The following MYO1G variants were observed in gnomAD, a reference collection of about 807,000 sequenced individuals.
MYO1G encodes the protein unconventional myosin-Ig.
MYO1G carries 65 observed loss-of-function variants against 115.3 expected under a neutral mutation model. The ratio of observed to expected loss-of-function variants is 0.56; its 90% CI spans 0.46 to 0.69. The LOEUF is 0.69. Ranked by LOEUF, MYO1G falls within the 30% of genes least tolerant of loss-of-function variation. The pLI is 0.00. For synonymous variants in MYO1G, 510 were observed against 552.6 expected (o/e 0.92, Z 1.08); for missense variants, 1,204 against 1,393.5 (o/e 0.86, Z 2.16).
chr7:44,979,012 C>G lies in MYO1G; in HGVS notation c.-51G>C. The G allele has an allele frequency of 6.3e-7, 1 of 1,579,808 alleles. No homozygotes were observed. The highest frequency in any genetic ancestry group is 8.7e-7 in the Non-Finnish European group (1 of 1,149,200). ...CACCTTCCTGTGCCTGCTGGAAGGA[C>G]AGTGAAGGAGAGGGGGAGGGAAGGC... is the stretch of plus-strand genomic sequence containing the variant. On this transcript the variant is annotated 5_prime_UTR_variant, in exon 1 of 22. Coordinates refer to ENST00000258787, the MANE Select transcript of MYO1G (RefSeq NM_033054.3).
rs74936877 is a variant in MYO1G, at chr7:44,978,680, T to C, written c.95+187A>G. On this transcript the variant is annotated intron_variant, in intron 1 of 21. Coordinates refer to ENST00000258787, the MANE Select transcript of MYO1G (RefSeq NM_033054.3). Reference sequence around the variant, plus strand: ...CCTGACAGGGACAGTTGCCTCCTTGTCTGTTCCTGTCCCCTGGGGCCGTGC... The same window carrying C: ...CCTGACAGGGACAGTTGCCTCCTTGCCTGTTCCTGTCCCCTGGGGCCGTGC... 2.6e-3 allele frequency among the ~76,000 whole-genome samples: 393 copies of C among 152,306 alleles called. 2 individuals carry two copies. Among genetic ancestry groups the C allele is most frequent in the African/African-American group, 9.0e-3 (374 of 41,572 alleles).
Position 44,970,868 on chromosome 7 carries a change from A to T in MYO1G, c.1038T>A (p.Ala346=), listed in dbSNP as rs371287004. 19 of 1,613,506 alleles carry T rather than the reference A, an allele frequency of 1.2e-5. No homozygotes were observed. Among genetic ancestry groups the T allele is most frequent in the African/African-American group, 5.3e-5 (4 of 74,922 alleles). The change falls in exon 8 of 22, where the codon GCT becomes GCA. Residue 346 remains alanine (A), a synonymous_variant. Transcript: ENST00000258787. The part of the protein sequence containing the change: ...RELIEKGHTA[A]EASYARDACA... ...AGGCATCCCGGGCATAGCTGGCCTCAGCTGCAGTGTGGCCCTTCTCTATGA... is the reference window on the plus strand; with the variant it reads ...AGGCATCCCGGGCATAGCTGGCCTCTGCTGCAGTGTGGCCCTTCTCTATGA...
In MYO1G at chr7:44,963,237, G is replaced by T; in HGVS notation, c.2746-113C>A. On this transcript the variant is annotated intron_variant, in intron 20 of 21. Coordinates refer to ENST00000258787, the MANE Select transcript of MYO1G (RefSeq NM_033054.3). The surrounding 1 kb of genome is among the most constrained non-coding windows in gnomAD (Gnocchi z 4.1). ...GAACCCCCAACCGCACCCGGGGAGC[G>T]CCGCCCTCGCCAGGGCCACCAGCCC... 7.8e-7 allele frequency: 1 copy of T among 1,278,844 alleles called. No homozygotes were observed. The highest frequency in any genetic ancestry group is 1.0e-6 in the Non-Finnish European group (1 of 983,792). The allele number at this position is 1,278,844 out of a possible 1,614,324, so 79.2% of individuals were successfully genotyped here.
Position 44,964,038 on chromosome 7 carries a change from A to T in MYO1G, c.2745+11T>A. ...AGATGCTGCACCCTACTCCCCACCC[A>T]CATTGCTCACCGCCTCAAGGGGCAC... On this transcript the variant is annotated intron_variant, in intron 20 of 21. Transcript: ENST00000258787. This position sits in a 1 kb window ranked among gnomAD's most constrained non-coding sequence, Gnocchi z 5.1. The T allele has an allele frequency of 6.4e-7, 1 of 1,567,804 alleles. No individual in the cohort carries two copies. Among genetic ancestry groups the T allele is most frequent in the South Asian group, 1.2e-5 (1 of 85,540 alleles).
In MYO1G at chr7:44,963,237, G is replaced by A. The variant is rs1230468675; in HGVS notation, c.2746-113C>T. On this transcript the variant is annotated intron_variant, in intron 20 of 21. Transcript: ENST00000258787. This position sits in a 1 kb window ranked among gnomAD's most constrained non-coding sequence, Gnocchi z 4.1. ...GAACCCCCAACCGCACCCGGGGAGC[G>A]CCGCCCTCGCCAGGGCCACCAGCCC... 17 of 1,278,726 alleles carry A rather than the reference G, an allele frequency of 1.3e-5. 1 individual carries two copies. Among genetic ancestry groups the A allele is most frequent in the Non-Finnish European group, 1.5e-5 (15 of 983,802 alleles). The allele number at this position is 1,278,726 out of a possible 1,614,324, so 79.2% of individuals were successfully genotyped here.
Position 44,976,882 on chromosome 7 carries a change from G to C in MYO1G, c.285C>G (p.Asp95Glu), listed in dbSNP as rs755842091. The C allele has an allele frequency of 6.2e-7, 1 of 1,613,322 alleles. No homozygotes were observed. Among genetic ancestry groups the C allele is most frequent in the Non-Finnish European group, 8.5e-7 (1 of 1,180,024 alleles). ...AYKAMKHRSR[D>E]TCIVISGESG... ...AGGTACCTGAGATGACGATGCAGGT[G>C]TCCCTGGACCGGTGCTTCATTGCCT... The change falls in exon 2 of 22, where the codon GAC (aspartate) becomes GAG (glutamate). Residue 95 changes from aspartate to glutamate, a missense_variant. Physicochemically the swap from Asp to Glu is conservative, Grantham distance 45. Transcript: ENST00000258787.
At chr7:44,974,695 T>C (rs551408272) in intron 5 of MYO1G, 50 of 180,496 alleles carry the variant, frequency 2.8e-4, no homozygotes, top group African/African-American at 1.1e-3. Flanking sequence ...GCAGAGACAC[T>C]GTTTGTTTCC....
intron 3 of MYO1G, 141 bp from the exon 4 acceptor site, chr7:44,975,790 T>G (rs1486983402): frequency 1.1e-6 from 1 of 948,530 alleles, no homozygotes; most frequent in African/African-American, 1.7e-5. Flanking sequence ...ACCAATGGCC[T>G]GGCCTCGCCC....
chr7:44,969,469 G>A lies in MYO1G; in HGVS notation c.1518C>T (p.Asp506=), dbSNP rs1179440594. Residue 506 remains aspartate, a synonymous_variant, in exon 12 of 22, where the codon GAC becomes GAT. Transcript: ENST00000258787. The surrounding 1 kb of genome is among the most constrained non-coding windows in gnomAD (Gnocchi z 5.0). ...HYTSRQLCPT[D]KTMEFGRDFR... The stretch of plus-strand genomic sequence containing the variant: ...AGTCTCGGCCAAACTCCATGGTCTT[G>A]TCTGTGGGGCAGAGCTATGGGGACA... 3 of 1,613,836 alleles carry A rather than the reference G, an allele frequency of 1.9e-6. No homozygotes were observed. The highest frequency in any genetic ancestry group is 2.5e-6 in the Non-Finnish European group (3 of 1,180,018).
chr7:44,976,718 G>A, intron 2 of MYO1G, 61 bp from the exon 3 acceptor site: 1 of 1,604,138 alleles, frequency 6.2e-7, no homozygotes, highest in Non-Finnish European at 8.5e-7. Flanking sequence ...CCAGCTCCCT[G>A]TGCCCACTCA....
rs1353993162 is a variant in MYO1G, at chr7:44,969,823, C to T, written c.1385G>A (p.Arg462His). ...TIVDLVERPHRGILAVLDEAC... is the reference protein window; with the variant it reads ...TIVDLVERPHHGILAVLDEAC... The stretch of plus-strand genomic sequence containing the variant: ...CTCGTCCAGCACGGCCAGGATGCCA[C>T]GGTGGGGCCGCTCCACCAGATCCAC... The change falls in exon 11 of 22, where the codon CGT (arginine) becomes CAT (histidine). Residue 462 changes from arginine to histidine, a missense_variant. By Grantham distance (29) the Arg-to-His change is conservative (BLOSUM62 0). Coordinates refer to ENST00000258787, the MANE Select transcript of MYO1G (RefSeq NM_033054.3). This position sits in a 1 kb window ranked among gnomAD's most constrained non-coding sequence, Gnocchi z 5.0. 1.2e-6 allele frequency: 2 copies of T among 1,613,030 alleles called. No individual in the cohort carries two copies. The highest frequency in any genetic ancestry group is 1.7e-5 in the Admixed American group (1 of 59,962).
rs1460325862 is a variant in MYO1G, at chr7:44,963,316, G to C, written c.2746-192C>G. 2.2e-5 allele frequency: 13 copies of C among 594,296 alleles called. No individual in the cohort carries two copies. The highest frequency in any genetic ancestry group is 4.5e-4 in the Middle Eastern group (1 of 2,216). The allele number at this position is 594,296 out of a possible 1,614,324, so 36.8% of individuals were successfully genotyped here. ...CCTGCTGACAGGGGGAAGCTTGGGCGGGACGCTGCACAATACGATTTTCTC... is the reference window on the plus strand; with the variant it reads ...CCTGCTGACAGGGGGAAGCTTGGGCCGGACGCTGCACAATACGATTTTCTC... On this transcript the variant is annotated intron_variant, in intron 20 of 21. Coordinates refer to ENST00000258787, the MANE Select transcript of MYO1G (RefSeq NM_033054.3). This position sits in a 1 kb window ranked among gnomAD's most constrained non-coding sequence, Gnocchi z 4.1.
rs533052374 is a variant in MYO1G, at chr7:44,975,083, G to T, written c.618+91C>A. 33 of 1,321,604 alleles carry T rather than the reference G, an allele frequency of 2.5e-5. No individual in the cohort carries two copies. In the African/African-American group the frequency reaches 4.1e-4, roughly 16 times the overall value. 81.9% of individuals were successfully genotyped at this position (1,321,604 alleles called of 1,614,324 possible). A position where few individuals can be genotyped will look rare whatever the true frequency, so the allele number is the denominator to read the frequency against. On this transcript the variant is annotated intron_variant, in intron 5 of 21. Transcript: ENST00000258787. ...TGAGTGGGCAGAGAGGGGGAATTGGGGTAGTGATGGAAGGGTCACAAGCTG... is the reference window on the plus strand; with the variant it reads ...TGAGTGGGCAGAGAGGGGGAATTGGTGTAGTGATGGAAGGGTCACAAGCTG...
intron 5 of MYO1G, 130 bp downstream of exon 5, chr7:44,975,044 G>A (rs1795022767): frequency 3.3e-6 from 3 of 921,014 alleles, no homozygotes; most frequent in African/African-American, 1.6e-5. Context: ...TGAGGACGAT[G>A]GGCTAGGTGG....
Position 44,967,875 on chromosome 7 carries a change from C to G in MYO1G, c.1649+9G>C, listed in dbSNP as rs776554166. ...GCCCTCCCTATGGTGCCCAGCAAGC[C>G]GTGCTCACCTGTTGTACAGCAGCCG... On this transcript the variant is annotated intron_variant, in intron 13 of 21. Coordinates refer to ENST00000258787, the MANE Select transcript of MYO1G (RefSeq NM_033054.3). The G allele has an allele frequency of 6.2e-7, 1 of 1,613,778 alleles. No homozygotes were observed. Among genetic ancestry groups the G allele is most frequent in the African/African-American group, 1.3e-5 (1 of 74,948 alleles).
At chr7:44,971,174 C>T in intron 7 of MYO1G, 115 bp from the exon 8 acceptor site, 1 of 875,942 alleles carries the variant, frequency 1.1e-6, no homozygotes, top group Non-Finnish European at 1.7e-6. Context: ...GAGTACAGCT[C>T]CTTCTCAGAC....
Position 44,963,289 on chromosome 7 carries a change from G to A in MYO1G, c.2746-165C>T. On this transcript the variant is annotated intron_variant, in intron 20 of 21. Coordinates refer to ENST00000258787, the MANE Select transcript of MYO1G (RefSeq NM_033054.3). The surrounding 1 kb of genome is among the most constrained non-coding windows in gnomAD (Gnocchi z 4.1). ...CCACCGCCCCCTCCTCCCTCTCGGG[G>A]CCCTGCTGACAGGGGGAAGCTTGGG... The A allele has an allele frequency of 1.4e-6, 1 of 739,952 alleles. No homozygotes were observed. The highest frequency in any genetic ancestry group is 2.0e-6 in the Non-Finnish European group (1 of 489,956). The allele number at this position is 739,952 out of a possible 1,614,324, so 45.8% of individuals were successfully genotyped here. A position where few individuals can be genotyped will look rare whatever the true frequency, so the allele number is the denominator to read the frequency against.
chr7:44,966,816 A>G lies in MYO1G; in HGVS notation c.1805T>C (p.Ile602Thr). The G allele has an allele frequency of 6.2e-7, 1 of 1,611,336 alleles. No homozygotes were observed. The highest frequency in any genetic ancestry group is 1.1e-5 in the South Asian group (1 of 90,932). The change falls in exon 15 of 22, where the codon ATC becomes ACC. Residue 602 changes from isoleucine to threonine, a missense_variant. Physicochemically the swap from Ile to Thr is moderately conservative, Grantham distance 89. Coordinates refer to ENST00000258787, the MANE Select transcript of MYO1G (RefSeq NM_033054.3). This position sits in a 1 kb window ranked among gnomAD's most constrained non-coding sequence, Gnocchi z 5.0. ...AGCTACCTTGTCCTCATTGGGCTTG[A>G]TGCAGCGGACGTAGAAGGGCTCCTG... ...ASKEPFYVRCIKPNEDKVAGK... is the reference protein window; with the variant it reads ...ASKEPFYVRCTKPNEDKVAGK...
intron 1 of MYO1G, 134 bp from the exon 2 acceptor site, chr7:44,977,205 A>C: frequency 1.3e-6 from 1 of 788,540 alleles, no homozygotes; most frequent in South Asian, 1.8e-5. Flanking sequence ...TGGAGAAGGA[A>C]GAAGGGGGCA....
Sources: allele counts gnomAD v4.1 joint callset (sites outside exome capture counted in the v4.1 genomes callset), GRCh38; gene constraint gnomAD v4.1.1; non-coding constraint Gnocchi (gnomAD v3.1); transcripts MANE v1.5; gene names NCBI Gene and HGNC (gene_info 2026-07-23, HGNC 2026-07-21).